SEH1L: variants seen among roughly 807,000 people sequenced by gnomAD.
SEH1L encodes the protein SEH1 like nucleoporin.
SEH1L carries 18 observed loss-of-function variants against 49.5 expected under a neutral mutation model. That is an observed-to-expected ratio of 0.36 (90% confidence interval 0.25 to 0.54). SEH1L has a LOEUF of 0.54. SEH1L is among the 20% of genes least tolerant of loss of function. The pLI, the probability that SEH1L is intolerant of heterozygous loss-of-function variation, is 0.87. For missense variants in SEH1L, 404 were observed against 528.8 expected (o/e 0.76, Z 2.31); for synonymous variants, 169 against 178.1 (o/e 0.95, Z 0.41).
At position 12,955,575 on chromosome 18, in the gene SEH1L, A is replaced by G; in HGVS notation, c.275A>G (p.Glu92Gly). 6.2e-7 allele frequency: 1 copy of G among 1,614,054 alleles called. No homozygotes were observed. Among genetic ancestry groups the G allele is most frequent in the Non-Finnish European group, 8.5e-7 (1 of 1,179,994 alleles). Residue 92 changes from glutamate to glycine, a missense_variant, in exon 3 of 9, where the codon GAA (glutamate) becomes GGA (glycine). By Grantham distance (98) the Glu-to-Gly change is moderately conservative. Transcript: ENST00000399892. ...GCTGTATGGGAAGAAATAGTAGGAG[A>G]ATCAAATGATAAACTGCGAGGACAG... Reference protein sequence around the residue: ...TAAVWEEIVGESNDKLRGQSH... With the variant: ...TAAVWEEIVGGSNDKLRGQSH...
intron 3 of SEH1L, among the ~76,000 whole-genome samples, chr18:12,957,244 A>G (rs2030921581): frequency 6.6e-6 from 1 of 152,028 alleles, no homozygotes; most frequent in South Asian, 2.1e-4. Flanking sequence ...CCTGACCAAC[A>G]TGGAGAAACT....
chr18:12,979,713 C>A (rs2032089000), intron 6 of SEH1L, among the ~76,000 whole-genome samples: 1 of 148,586 alleles, frequency 6.7e-6, no homozygotes, highest in African/African-American at 2.5e-5. Flanking sequence ...CCCCCCACCT[C>A]CCTCCCGGAC....
At chr18:12,965,068 C>T (rs1180606269) in intron 4 of SEH1L, among the ~76,000 whole-genome samples, 10 of 110,370 alleles carry the variant, frequency 9.1e-5, no homozygotes, top group African/African-American at 3.9e-4. Flanking sequence ...GGCTGGAGTG[C>T]AGTGGCGCAA....
At chr18:12,963,114 GCTTT>G in intron 3 of SEH1L, 42 bp from the exon 4 acceptor site, 2 of 1,404,168 alleles carry the variant, frequency 1.4e-6, no homozygotes, top group Non-Finnish European at 2.0e-6. Context: ...ACTCTACCAT[GCTTT>G]CTTTTTGTAT....
intron 6 of SEH1L, among the ~76,000 whole-genome samples, chr18:12,980,423 A>ATC (rs1186883249): frequency 5.4e-4 from 33 of 61,378 alleles, no homozygotes; most frequent in African/African-American, 1.2e-3. Flanking sequence ...CGGGGGGCTG[A>ATC]CCCCCCAACC....
intron 4 of SEH1L, among the ~76,000 whole-genome samples, chr18:12,970,421 C>T (rs573493501): frequency 1.3e-5 from 2 of 152,106 alleles, no homozygotes. Flanking sequence ...GTTTTTTCTT[C>T]TTCTTTTCTT....
chr18:12,975,033 C>T (rs2031860532), intron 5 of SEH1L, among the ~76,000 whole-genome samples: 1 of 151,220 alleles, frequency 6.6e-6, no homozygotes, highest in Non-Finnish European at 1.5e-5. Context: ...ACTCTTGTTG[C>T]CCAGGTTGGA....
intron 6 of SEH1L, among the ~76,000 whole-genome samples, chr18:12,982,005 G>T (rs1304040536): frequency 6.6e-6 from 1 of 151,516 alleles, no homozygotes; most frequent in Non-Finnish European, 1.5e-5. Flanking sequence ...GACTACAGGC[G>T]CCCGCCACCA....
At chr18:12,951,765 G>A (rs1006310876) in intron 1 of SEH1L, 90 bp from the exon 2 acceptor site, 31 of 761,786 alleles carry the variant, frequency 4.1e-5, no homozygotes, top group Middle Eastern at 2.3e-4. Flanking sequence ...TATGTTCACC[G>A]CTTTCCTTGT....
At chr18:12,949,607 C>T (rs2030384620) in intron 1 of SEH1L, among the ~76,000 whole-genome samples, 1 of 151,680 alleles carries the variant, frequency 6.6e-6, no homozygotes, top group African/African-American at 2.4e-5. Context: ...CGCCCGCCAC[C>T]ACGCCCGGCT....
intron 1 of SEH1L, among the ~76,000 whole-genome samples, chr18:12,951,380 A>C (rs1046260168): frequency 6.6e-6 from 1 of 152,042 alleles, no homozygotes; most frequent in Non-Finnish European, 1.5e-5. Context: ...AGTGCTTGAC[A>C]CATTCAAGGT....
intron 2 of SEH1L, among the ~76,000 whole-genome samples, chr18:12,952,504 A>G (rs1681649351): frequency 6.6e-6 from 1 of 152,162 alleles, no homozygotes; most frequent in South Asian, 2.1e-4. Context: ...TGCTGGGTTT[A>G]TAGGCATGAG....
Position 12,987,074 on chromosome 18 carries a change from T to G in SEH1L, c.*17T>G. 6.5e-7 allele frequency: 1 copy of G among 1,528,438 alleles called. No individual in the cohort carries two copies. The highest frequency in any genetic ancestry group is 9.0e-7 in the Non-Finnish European group (1 of 1,115,222). The allele number at this position is 1,528,438 out of a possible 1,614,324, so 94.7% of individuals were successfully genotyped here. A position where few individuals can be genotyped will look rare whatever the true frequency, so the allele number is the denominator to read the frequency against. On this transcript the variant is annotated 3_prime_UTR_variant, in exon 9 of 9. Coordinates refer to ENST00000399892, the MANE Select transcript of SEH1L (RefSeq NM_001013437.2). ...GGGATTTAAAACACTGATTTAACATTGAAAGGCCTTATTCAAGTGCTTGTA... is the reference window on the plus strand; with the variant it reads ...GGGATTTAAAACACTGATTTAACATGGAAAGGCCTTATTCAAGTGCTTGTA...
intron 6 of SEH1L, among the ~76,000 whole-genome samples, chr18:12,980,703 C>T (rs1315077971): frequency 1.7e-5 from 2 of 120,380 alleles, no homozygotes; most frequent in African/African-American, 6.5e-5. Flanking sequence ...GCTGACACCC[C>T]CCACTTCCCT....
chr18:12,975,604 A>G (rs946034252), intron 5 of SEH1L: 2 of 558,004 alleles, frequency 3.6e-6, no homozygotes, highest in Non-Finnish European at 4.5e-6. Context: ...GGAGAGAGAC[A>G]GGGGAGGGGC....
Position 12,980,381 on chromosome 18 carries a change from C to G in SEH1L, c.761+1489C>G, listed in dbSNP as rs868056140. ...TGGCAGGGCGGGGGGCTGACCCCCC[C>G]ACCTCCCTCCCGGACGGGGCGGCTG... On this transcript the variant is annotated intron_variant, in intron 6 of 8. Coordinates refer to ENST00000399892, the MANE Select transcript of SEH1L (RefSeq NM_001013437.2). 8.8e-5 allele frequency among the ~76,000 whole-genome samples: 9 copies of G among 102,804 alleles called. No homozygotes were observed. In the South Asian group the frequency reaches 1.2e-3, roughly 14 times the overall value. 67.4% of individuals were successfully genotyped at this position (102,804 alleles called of 152,430 possible).
chr18:12,962,850 CT>C (rs916679670), intron 3 of SEH1L, among the ~76,000 whole-genome samples: 7 of 146,942 alleles, frequency 4.8e-5, no homozygotes, highest in Admixed American at 6.8e-5. Flanking sequence ...CTAACATTTT[CT>C]TTTTTTTTTG....
intron 8 of SEH1L, chr18:12,984,880 G>A (rs899795507): frequency 1.8e-5 from 3 of 170,552 alleles, no homozygotes; most frequent in African/African-American, 4.7e-5. Flanking sequence ...GAATTGTCCT[G>A]TGGTTATATC....
chr18:12,968,750 C>A (rs528051942), intron 4 of SEH1L, among the ~76,000 whole-genome samples: 5 of 152,118 alleles, frequency 3.3e-5, no homozygotes, highest in Non-Finnish European at 7.3e-5. Flanking sequence ...AGGCGGAGAT[C>A]CAGGTGATCT....
Sources: gnomAD v4.1 joint callset for allele counts (sites outside exome capture counted in the v4.1 genomes callset) on GRCh38, gnomAD v4.1.1 for gene constraint, MANE v1.5 for transcripts, NCBI Gene and HGNC (gene_info 2026-07-23, HGNC 2026-07-21) for gene names.